Variants in L3MBTL4 observed in about 807,000 individuals in gnomAD.
L3MBTL4 encodes the protein lethal(3)malignant brain tumor-like protein 4.
A neutral mutation model predicts 84.5 loss-of-function variants in L3MBTL4; 70 were observed. That is an observed-to-expected ratio of 0.83 (90% CI 0.68 to 1.01). The LOEUF is 1.01. Among genes scored for constraint, L3MBTL4 ranks in the 50% least tolerant of loss-of-function variants. The probability of loss-of-function intolerance (pLI) is 0.00; values close to 1 mark genes in which losing one functional copy is unlikely to be tolerated. For missense variants in L3MBTL4, 715 were observed against 754.8 expected, an observed-to-expected ratio of 0.95 and a Z score of 0.62; for synonymous variants, 274 against 259.8, an observed-to-expected ratio of 1.05 and a Z score of -0.52.
At chr18:6,254,916 C>T (rs896068414) in intron 5 of L3MBTL4, among the ~76,000 whole-genome samples, 1 of 152,176 alleles carries the variant, frequency 6.6e-6, no homozygotes, top group Non-Finnish European at 1.5e-5. Context: ...TAGGTCTAGG[C>T]AACCTTAGAC....
At chr18:6,291,481 T>C (rs2049862472) in intron 4 of L3MBTL4, among the ~76,000 whole-genome samples, 1 of 152,212 alleles carries the variant, frequency 6.6e-6, no homozygotes, top group Non-Finnish European at 1.5e-5. Context: ...ATCAGCATGG[T>C]ACTGGCATAG....
In L3MBTL4 at chr18:6,182,313, G is replaced by A. The variant is rs2044511704; in HGVS notation, c.982-10371C>T. Among the ~76,000 whole-genome samples, 2 of 152,142 alleles carry A rather than the reference G, an allele frequency of 1.3e-5. 1 individual carries two copies. The highest frequency in any genetic ancestry group is 4.1e-4 in the South Asian group (2 of 4,820). On this transcript the variant is annotated intron_variant, in intron 12 of 18. Transcript: ENST00000317931. The stretch of plus-strand genomic sequence containing the variant: ...GTGTGTCTCTTTTTGAAAAGTGTCT[G>A]TTCATATACTTTGCCCACTTTTTAA...
chr18:6,113,874 G>C (rs565517489), intron 14 of L3MBTL4, among the ~76,000 whole-genome samples: 7 of 152,308 alleles, frequency 4.6e-5, no homozygotes, highest in Admixed American at 4.6e-4. Flanking sequence ...CACAATGTTT[G>C]GAATTGTCCT....
At chr18:6,002,833 T>C (rs1415635950) in intron 16 of L3MBTL4, among the ~76,000 whole-genome samples, 1 of 151,678 alleles carries the variant, frequency 6.6e-6, no homozygotes, top group Non-Finnish European at 1.5e-5. Context: ...AGGCAGTAAG[T>C]CCCTCCTTCT....
Position 6,013,059 on chromosome 18 carries a change from C to T in L3MBTL4, c.1445-43497G>A, listed in dbSNP as rs555502498. On this transcript the variant is annotated intron_variant, in intron 16 of 18. Coordinates refer to ENST00000317931, the MANE Select transcript of L3MBTL4 (RefSeq NM_001330559.2). ...GATGGAGCAGTGTGACCAAGTGGTT[C>T]CCTCAAACACAGGCTCACTCTTTTA... Among the ~76,000 whole-genome samples the T allele has an allele frequency of 4.6e-5, 7 of 152,202 alleles. No homozygotes were observed. The South Asian group carries it at 1.2e-3, about 27-fold the overall frequency.
intron 4 of L3MBTL4, among the ~76,000 whole-genome samples, chr18:6,274,102 T>C (rs1268676344): frequency 6.6e-6 from 1 of 152,192 alleles, no homozygotes; most frequent in Non-Finnish European, 1.5e-5. Context: ...GAACAAATAA[T>C]TCTGAAGGAG....
At chr18:6,206,289 T>C (rs2045872540) in intron 12 of L3MBTL4, among the ~76,000 whole-genome samples, 2 of 152,232 alleles carry the variant, frequency 1.3e-5, no homozygotes, top group African/African-American at 4.8e-5. Context: ...AAGAAATGTA[T>C]ATCCCTAAAA....
At chr18:6,005,969 T>C (rs1018915413) in intron 16 of L3MBTL4, among the ~76,000 whole-genome samples, 1 of 151,900 alleles carries the variant, frequency 6.6e-6, no homozygotes, top group Non-Finnish European at 1.5e-5. Flanking sequence ...TGTATAAGCA[T>C]TTGAAATGGT....
intron 13 of L3MBTL4, among the ~76,000 whole-genome samples, chr18:6,148,896 T>G (rs1482968638): frequency 6.6e-6 from 1 of 152,192 alleles, no homozygotes; most frequent in African/African-American, 2.4e-5. Flanking sequence ...TTAATGTGAA[T>G]ACTATTTCAC....
intron 1 of L3MBTL4, among the ~76,000 whole-genome samples, chr18:6,377,414 C>T (rs2054412858): frequency 6.6e-6 from 1 of 152,098 alleles, no homozygotes; most frequent in Non-Finnish European, 1.5e-5. Context: ...TGGTGGTTTG[C>T]TGCACCCATC....
intron 16 of L3MBTL4, among the ~76,000 whole-genome samples, chr18:6,073,306 G>A (rs2057750339): frequency 6.6e-6 from 1 of 151,800 alleles, no homozygotes; most frequent in African/African-American, 2.4e-5. Context: ...CAACTCAATA[G>A]CAACAGACTT....
intron 1 of L3MBTL4, among the ~76,000 whole-genome samples, chr18:6,339,969 TTCAC>T (rs1470556793): frequency 0.011 from 1,642 of 152,270 alleles, 39 homozygotes; most frequent in African/African-American, 0.037. Flanking sequence ...CCCAGAGAGC[TTCAC>T]TAGTGAATTC....
intron 1 of L3MBTL4, among the ~76,000 whole-genome samples, chr18:6,355,131 A>G (rs544455237): frequency 2.1e-4 from 32 of 152,316 alleles, no homozygotes; most frequent in African/African-American, 7.5e-4. Flanking sequence ...GTCATTTCCA[A>G]CAACATGGAT....
chr18:6,401,428 ACT>A (rs2055506959), intron 1 of L3MBTL4, among the ~76,000 whole-genome samples: 1 of 152,186 alleles, frequency 6.6e-6, no homozygotes, highest in Non-Finnish European at 1.5e-5. Flanking sequence ...GCATATTCAC[ACT>A]GTAAGAATGT....
intron 4 of L3MBTL4, among the ~76,000 whole-genome samples, chr18:6,296,550 C>T (rs2050116090): frequency 6.6e-6 from 1 of 152,114 alleles, no homozygotes; most frequent in African/African-American, 2.4e-5. Context: ...AAGGAGTCAG[C>T]CAGAAGAAAG....
chr18:5,961,752 G>A (rs1407168138), intron 17 of L3MBTL4, among the ~76,000 whole-genome samples: 7 of 114,366 alleles, frequency 6.1e-5, no homozygotes, highest in Non-Finnish European at 9.1e-5. Context: ...GGCAGAGGAA[G>A]CCGAGCTGTT....
At chr18:6,400,566 T>A (rs1020382725) in intron 1 of L3MBTL4, among the ~76,000 whole-genome samples, 4 of 152,178 alleles carry the variant, frequency 2.6e-5, no homozygotes, top group African/African-American at 7.2e-5. Flanking sequence ...CATGCCACCA[T>A]GCCTGGTTAA....
chr18:6,304,956 CT>C (rs985220017), intron 3 of L3MBTL4, among the ~76,000 whole-genome samples: 51 of 152,182 alleles, frequency 3.4e-4, no homozygotes, highest in African/African-American at 1.2e-3. Context: ...GTTCACACTT[CT>C]GTATTTGCTA....
chr18:6,143,131 A>C (rs766461179), intron 13 of L3MBTL4, among the ~76,000 whole-genome samples: 4 of 152,218 alleles, frequency 2.6e-5, no homozygotes, highest in Non-Finnish European at 5.9e-5. Context: ...TCCTACACAC[A>C]GAGTGATCTT....
Sources: gnomAD v4.1 joint callset for allele counts (sites outside exome capture counted in the v4.1 genomes callset) on GRCh38, gnomAD v4.1.1 for gene constraint, MANE v1.5 for transcripts, NCBI Gene and HGNC (gene_info 2026-07-23, HGNC 2026-07-21) for gene names.